Variants in USP40 observed in about 807,000 individuals in gnomAD.
USP40 encodes the protein ubiquitin carboxyl-terminal hydrolase 40.
A neutral mutation model predicts 166.2 loss-of-function variants in USP40; 143 were observed. That is an observed-to-expected ratio of 0.86 (90% CI 0.75 to 0.99). USP40 has a LOEUF of 0.99. USP40 is among the 50% of genes least tolerant of loss of function. The pLI, the probability that USP40 is intolerant of heterozygous loss-of-function variation, is 0.00. For missense variants in USP40, 1,444 were observed against 1,479.7 expected (o/e 0.98, Z 0.40); for synonymous variants, 498 against 524.0 (o/e 0.95, Z 0.68).
At position 233,549,191 on chromosome 2, in the gene USP40, G is replaced by A. The variant is rs1288329099; in HGVS notation, c.876C>T (p.Phe292=). Residue 292 remains phenylalanine (F), a synonymous_variant, in exon 8 of 32, where the codon TTC becomes TTT. Coordinates refer to ENST00000678225, the MANE Select transcript of USP40 (RefSeq NM_001365479.2). The part of the protein sequence containing the change: ...LDDLEYIYDL[F]SVIIHKGGCY... ...AGCCACCTTTGTGTATAATAACTGAGAAGAGGTCATATATATATTCTAAGT... is the reference window on the plus strand; with the variant it reads ...AGCCACCTTTGTGTATAATAACTGAAAAGAGGTCATATATATATTCTAAGT... 1.3e-6 allele frequency: 2 copies of A among 1,526,978 alleles called. No homozygotes were observed. Among genetic ancestry groups the A allele is most frequent in the Middle Eastern group, 1.7e-4 (1 of 5,836 alleles). The allele number at this position is 1,526,978 out of a possible 1,614,324, so 94.6% of individuals were successfully genotyped here.
intron 18 of USP40, among the ~76,000 whole-genome samples, chr2:233,515,895 A>G (rs1435877206): frequency 6.6e-6 from 1 of 152,262 alleles, no homozygotes; most frequent in East Asian, 1.9e-4. Flanking sequence ...ATTTCTGCAC[A>G]TACAAATATC....
rs371697187 is a variant in USP40, at chr2:233,489,338, C to T, written c.3131+27G>A. ...CCAGTGCGTCAGCAGCAGAGAGGGA[C>T]AGTGTTGCGTCCAGCAAGGAACCTA... On this transcript the variant is annotated intron_variant, in intron 27 of 31. Transcript: ENST00000678225. The T allele has an allele frequency of 2.6e-6, 4 of 1,547,638 alleles. No homozygotes were observed. The South Asian group carries it at 3.6e-5, about 14-fold the overall frequency.
At position 233,549,204 on chromosome 2, in the gene USP40, A is replaced by G; in HGVS notation, c.863T>C (p.Ile288Thr). The change falls in exon 8 of 32, where the codon ATA becomes ACA. Residue 288 changes from isoleucine (I) to threonine (T), a missense_variant. By Grantham distance (89) the Ile-to-Thr change is moderately conservative. Transcript: ENST00000678225. Reference protein sequence around the residue: ...EQSELDDLEYIYDLFSVIIHK... With the variant: ...EQSELDDLEYTYDLFSVIIHK... Reference sequence around the variant, plus strand: ...TATAATAACTGAGAAGAGGTCATATATATATTCTAAGTCATCCAATTCACT... The same window carrying G: ...TATAATAACTGAGAAGAGGTCATATGTATATTCTAAGTCATCCAATTCACT... The G allele has an allele frequency of 6.7e-7, 1 of 1,496,654 alleles. No homozygotes were observed. Among genetic ancestry groups the G allele is most frequent in the Non-Finnish European group, 9.2e-7 (1 of 1,087,836 alleles). 92.7% of individuals were successfully genotyped at this position (1,496,654 alleles called of 1,614,324 possible).
Position 233,542,285 on chromosome 2 carries a change from T to C in USP40, c.1045A>G (p.Lys349Glu). 1 of 1,549,038 alleles carries C rather than the reference T, an allele frequency of 6.5e-7. No individual in the cohort carries two copies. The highest frequency in any genetic ancestry group is 8.7e-7 in the Non-Finnish European group (1 of 1,146,580). ...TACTATACCTCTAATAAGATTGCTT[T>C]TAGAATCATCAGTGGATGATCAATC... ...EEIDHPLMIL[K>E]AILLEEENNL... Residue 349 changes from lysine to glutamate, a missense_variant, in exon 9 of 32, where the codon AAA becomes GAA. Coordinates refer to ENST00000678225, the MANE Select transcript of USP40 (RefSeq NM_001365479.2).
intron 18 of USP40, chr2:233,512,890 CTG>C (rs749381974): frequency 4.9e-6 from 1 of 202,096 alleles, no homozygotes; most frequent in Non-Finnish European, 9.9e-6. Context: ...CCTGGTCAAA[CTG>C]TGCAAAACAA....
chr2:233,539,208 A>G (rs553455866), intron 10 of USP40, among the ~76,000 whole-genome samples: 1 of 56,280 alleles, frequency 1.8e-5, no homozygotes, highest in Non-Finnish European at 3.6e-5. Context: ...ATTAATAGAA[A>G]AGGCAAAAAA....
intron 30 of USP40, among the ~76,000 whole-genome samples, chr2:233,482,753 C>T (rs1391610426): frequency 1.2e-4 from 18 of 152,136 alleles, no homozygotes; most frequent in Admixed American, 1.2e-3. Context: ...TGGCTGGTCT[C>T]AAACTCCCGA....
At chr2:233,506,192 C>T (rs1425913034) in intron 21 of USP40, among the ~76,000 whole-genome samples, 1 of 152,142 alleles carries the variant, frequency 6.6e-6, no homozygotes, top group East Asian at 1.9e-4. Context: ...GAAATAAATT[C>T]ACAAACTTAA....
chr2:233,493,127 C>T lies in USP40; in HGVS notation c.2917+298G>A, dbSNP rs73997631. The T allele has an allele frequency of 0.013, 5,993 of 446,218 alleles. 278 individuals are homozygous for T. Among genetic ancestry groups the T allele is most frequent in the African/African-American group, 0.11 (5,458 of 50,860 alleles). 27.6% of individuals were successfully genotyped at this position (446,218 alleles called of 1,614,324 possible). A position where few individuals can be genotyped will look rare whatever the true frequency, so the allele number is the denominator to read the frequency against. ...TTCTGGTACGTGGTGATAAATGGGG[C>T]CCCTGTTGCCCTGAGGATCTTGAGA... On this transcript the variant is annotated intron_variant, in intron 25 of 31. Coordinates refer to ENST00000678225, the MANE Select transcript of USP40 (RefSeq NM_001365479.2). The surrounding 1 kb of genome is among the most constrained non-coding windows in gnomAD (Gnocchi z 4.7).
At chr2:233,530,047 G>A (rs899857602) in intron 11 of USP40, among the ~76,000 whole-genome samples, 2 of 151,352 alleles carry the variant, frequency 1.3e-5, no homozygotes, top group Admixed American at 1.3e-4. Flanking sequence ...TGATCTGCCC[G>A]CCTCAGCCTC....
chr2:233,485,985 A>G lies in USP40; in HGVS notation c.3198-8T>C. 1.3e-6 allele frequency: 2 copies of G among 1,562,544 alleles called. No homozygotes were observed. The highest frequency in any genetic ancestry group is 1.2e-5 in the South Asian group (1 of 83,280). ...AGCAGCACGTCCTGGGGGCTGTACC[A>G]GAAAACCGTCAAGCGCCAGATCCAA... On this transcript the variant is annotated splice_polypyrimidine_tract_variant and splice_region_variant and intron_variant, in intron 28 of 31. Coordinates refer to ENST00000678225, the MANE Select transcript of USP40 (RefSeq NM_001365479.2).
rs1239262900 is a variant in USP40, at chr2:233,488,278, T to C, written c.3158A>G (p.Glu1053Gly). Residue 1053 changes from glutamate (E) to glycine (G), a missense_variant, in exon 28 of 32, where the codon GAG becomes GGG. Transcript: ENST00000678225. ...TTTCTGAAGGGGCTCTAAGCAGATC[T>C]CAATTCTCCGTCCTAGTTTATATTC... ...LREYKLGRRI[E>G]ICLEPLQKGE... 1 of 1,603,412 alleles carries C rather than the reference T, an allele frequency of 6.2e-7. No individual in the cohort carries two copies. The highest frequency in any genetic ancestry group is 1.3e-5 in the African/African-American group (1 of 74,846).
intron 10 of USP40, among the ~76,000 whole-genome samples, chr2:233,536,219 T>C (rs2068923705): frequency 6.6e-6 from 1 of 152,024 alleles, no homozygotes; most frequent in South Asian, 2.1e-4. Flanking sequence ...AAGGAAAAGA[T>C]GAATAGAATG....
At chr2:233,495,406 GT>G (rs576149159) in intron 24 of USP40, among the ~76,000 whole-genome samples, 35 of 144,684 alleles carry the variant, frequency 2.4e-4, no homozygotes, top group African/African-American at 3.3e-4. Flanking sequence ...CTCTCTTCTT[GT>G]TTTTTTTTTT....
At position 233,566,774 on chromosome 2, in the gene USP40, C is replaced by G. The variant is rs2072201050; in HGVS notation, c.-110G>C. On this transcript the variant is annotated 5_prime_UTR_variant, in exon 1 of 32. Coordinates refer to ENST00000678225, the MANE Select transcript of USP40 (RefSeq NM_001365479.2). ...CCGCCATGTTGGCGAGGGCGGGTCT[C>G]CAGAAAGTGATTTATGGATCGTGGA... 3 of 985,824 alleles carry G rather than the reference C, an allele frequency of 3.0e-6. No homozygotes were observed. Among genetic ancestry groups the G allele is most frequent in the Admixed American group, 6.1e-5 (1 of 16,274 alleles). 61.1% of individuals were successfully genotyped at this position (985,824 alleles called of 1,614,324 possible).
chr2:233,532,854 C>T (rs2068649578), intron 11 of USP40, among the ~76,000 whole-genome samples: 1 of 151,930 alleles, frequency 6.6e-6, no homozygotes, highest in South Asian at 2.1e-4. Context: ...ATCACTTGAG[C>T]CCAGGAATTA....
At chr2:233,515,888 T>G (rs1377251141) in intron 18 of USP40, among the ~76,000 whole-genome samples, 4 of 152,246 alleles carry the variant, frequency 2.6e-5, no homozygotes, top group Non-Finnish European at 5.9e-5. Context: ...GAGGTTCATT[T>G]CTGCACATAC....
Position 233,477,154 on chromosome 2 carries a change from C to G in USP40, c.*238G>C, listed in dbSNP as rs1349504805. 1.9e-6 allele frequency: 1 copy of G among 531,388 alleles called. No homozygotes were observed. The highest frequency in any genetic ancestry group is 3.4e-6 in the Non-Finnish European group (1 of 292,506). 32.9% of individuals were successfully genotyped at this position (531,388 alleles called of 1,614,324 possible). On this transcript the variant is annotated 3_prime_UTR_variant, in exon 32 of 32. Transcript: ENST00000678225. ...GGGTGCTGTGTGAGAGAGCCCAGCA[C>G]CTACTGGCAGCTGGGTGGGCGACAT...
At chr2:233,559,658 T>C (rs528433948) in intron 4 of USP40, among the ~76,000 whole-genome samples, 153 bp downstream of exon 4, 2 of 152,312 alleles carry the variant, frequency 1.3e-5, no homozygotes, top group South Asian at 2.1e-4. Flanking sequence ...AAAATATATA[T>C]TTCTGGCTTG....
Sources: allele counts gnomAD v4.1 joint callset (sites outside exome capture counted in the v4.1 genomes callset), GRCh38; gene constraint gnomAD v4.1.1; non-coding constraint Gnocchi (gnomAD v3.1); transcripts MANE v1.5; gene names NCBI Gene and HGNC (gene_info 2026-07-23, HGNC 2026-07-21).